Variants in WDPCP observed in about 807,000 individuals in gnomAD.
The protein encoded by WDPCP is WD repeat containing planar cell polarity effector, also known as WD repeat-containing and planar cell polarity effector protein fritz homolog.
A neutral mutation model predicts 93.1 loss-of-function variants in WDPCP; 71 were observed. The ratio of observed to expected loss-of-function variants is 0.76; its 90% CI spans 0.63 to 0.93. The LOEUF (loss-of-function observed/expected upper bound fraction) is 0.93, where lower values mean the gene tolerates loss of function less well. WDPCP is among the 40% of genes least tolerant of loss of function. The pLI, the probability that WDPCP is intolerant of heterozygous loss-of-function variation, is 0.00. For missense variants in WDPCP, 844 were observed against 887.4 expected (o/e 0.95, Z 0.62); for synonymous variants, 315 against 315.0 (o/e 1.00, Z 0.00).
At chr2:63,332,020 T>C (rs1433629993) in intron 12 of WDPCP, among the ~76,000 whole-genome samples, 17 of 152,034 alleles carry the variant, frequency 1.1e-4, no homozygotes, top group Non-Finnish European at 7.4e-5. Flanking sequence ...ATAATGGTGC[T>C]TTAAGTATTC....
intron 1 of WDPCP, among the ~76,000 whole-genome samples, chr2:63,504,947 A>G (rs1701776106): frequency 1.3e-5 from 2 of 152,224 alleles, no homozygotes; most frequent in Middle Eastern, 3.4e-3. Flanking sequence ...AATATGAATT[A>G]TTAATATTTA....
At chr2:63,695,027 C>T (rs955053724) in intron 2 of WDPCP, among the ~76,000 whole-genome samples, 1 of 152,030 alleles carries the variant, frequency 6.6e-6, no homozygotes, top group Non-Finnish European at 1.5e-5. Flanking sequence ...TTTTCAGAAA[C>T]ATTGACCAAC....
At chr2:63,400,665 A>T (rs1575333559) in intron 10 of WDPCP, among the ~76,000 whole-genome samples, 2 of 152,206 alleles carry the variant, frequency 1.3e-5, no homozygotes, top group East Asian at 3.8e-4. Context: ...TGGAACCAAA[A>T]AGGAGCCCAT....
At chr2:63,349,182 CAA>C (rs1428405793) in intron 12 of WDPCP, among the ~76,000 whole-genome samples, 1 of 151,870 alleles carries the variant, frequency 6.6e-6, no homozygotes, top group Non-Finnish European at 1.5e-5. Flanking sequence ...ATGATTTAGT[CAA>C]AGTTCCTGGT....
chr2:63,323,264 C>G (rs573308769), intron 12 of WDPCP, among the ~76,000 whole-genome samples: 3 of 152,314 alleles, frequency 2.0e-5, no homozygotes, highest in African/African-American at 7.2e-5. Context: ...CCAGGCTAGT[C>G]CTGCTTCTAA....
chr2:63,259,228 A>C (rs546342186), intron 14 of WDPCP, 79 bp downstream of exon 14: 1 of 1,221,444 alleles, frequency 8.2e-7, no homozygotes, highest in African/African-American at 1.5e-5. Context: ...TTAACCATCC[A>C]TGTCCTCCAA....
intron 2 of WDPCP, among the ~76,000 whole-genome samples, chr2:63,702,663 C>T (rs115187715): frequency 0.18 from 27,473 of 151,042 alleles, 2,738 homozygotes; most frequent in Middle Eastern, 0.27. Flanking sequence ...CTCAGCCTTC[C>T]GAGTAGCTGG....
chr2:63,652,410 C>T (rs1440840330), intron 2 of WDPCP, among the ~76,000 whole-genome samples: 1 of 152,222 alleles, frequency 6.6e-6, no homozygotes, highest in Non-Finnish European at 1.5e-5. Context: ...TGAAGCAGAT[C>T]TCAACGCAAG....
At chr2:63,754,785 TATTA>T (rs1406107305) in intron 2 of WDPCP, among the ~76,000 whole-genome samples, 1 of 152,206 alleles carries the variant, frequency 6.6e-6, no homozygotes, top group African/African-American at 2.4e-5. Context: ...TGACTGGGTG[TATTA>T]ATTATCTGCT....
intron 1 of WDPCP, among the ~76,000 whole-genome samples, chr2:63,587,731 AGACT>A (rs973461059): frequency 2.0e-5 from 3 of 152,252 alleles, no homozygotes; most frequent in Admixed American, 1.3e-4. Context: ...TTACCAGCTG[AGACT>A]GACTGACTAA....
intron 1 of WDPCP, among the ~76,000 whole-genome samples, chr2:63,507,225 A>G (rs1242353282): frequency 6.6e-6 from 1 of 152,114 alleles, no homozygotes; most frequent in Admixed American, 6.6e-5. Context: ...AATACTGGAG[A>G]TAAATAAAAT....
chr2:63,308,668 TCA>T (rs1685940781), intron 13 of WDPCP, among the ~76,000 whole-genome samples: 2 of 152,036 alleles, frequency 1.3e-5, no homozygotes, highest in African/African-American at 4.8e-5. Context: ...GCACATGTTC[TCA>T]CTCATAAGTG....
intron 2 of WDPCP, among the ~76,000 whole-genome samples, chr2:63,724,938 A>G (rs1178884837): frequency 6.6e-6 from 1 of 152,222 alleles, no homozygotes; most frequent in African/African-American, 2.4e-5. Context: ...GCCTGGAAGA[A>G]CTGCTTTCAT....
chr2:63,414,341 G>GA (rs895078453), intron 9 of WDPCP, among the ~76,000 whole-genome samples: 1 of 151,936 alleles, frequency 6.6e-6, no homozygotes, highest in African/African-American at 2.4e-5. Flanking sequence ...CTACCCAGAG[G>GA]AAAAAAAGTC....
At chr2:63,689,359 A>T (rs1285049934) in intron 2 of WDPCP, among the ~76,000 whole-genome samples, 1 of 152,234 alleles carries the variant, frequency 6.6e-6, no homozygotes, top group Non-Finnish European at 1.5e-5. Flanking sequence ...AAAGAAACTA[A>T]GCATCAGACT....
At chr2:63,827,889 G>A (rs918775610), upstream of WDPCP, 9 of 152,202 alleles carry the variant, frequency 5.9e-5, no homozygotes, top group Admixed American at 4.6e-4. Flanking sequence ...GCCAGAAGAT[G>A]TTGGGTGCAG....
At chr2:63,368,649 A>G (rs1691131879) in intron 12 of WDPCP, among the ~76,000 whole-genome samples, 1 of 152,028 alleles carries the variant, frequency 6.6e-6, no homozygotes, top group South Asian at 2.1e-4. Flanking sequence ...TAAAAAAAAA[A>G]AAAGGACTCA....
chr2:63,502,556 A>G (rs1701621679), intron 1 of WDPCP, among the ~76,000 whole-genome samples: 1 of 152,132 alleles, frequency 6.6e-6, no homozygotes, highest in South Asian at 2.1e-4. Flanking sequence ...TCATTTTTCC[A>G]TTCATTAATG....
Position 63,122,044 on chromosome 2 carries a change from C to A in WDPCP, c.2203G>T (p.Gly735Cys). The A allele has an allele frequency of 6.2e-7, 1 of 1,612,030 alleles. No homozygotes were observed. Among genetic ancestry groups the A allele is most frequent in the Non-Finnish European group, 8.5e-7 (1 of 1,178,486 alleles). Residue 735 changes from glycine (G) to cysteine (C), a missense_variant, in exon 18 of 18, where the codon GGT (glycine) becomes TGT (cysteine). Transcript: ENST00000272321. Reference sequence around the variant, plus strand: ...AAGTGAATCATTTTGAGAGAACCACCATCTCTGATTTCCTGCAAATAAACA... The same window carrying A: ...AAGTGAATCATTTTGAGAGAACCACAATCTCTGATTTCCTGCAAATAAACA... ...EDGREQEIRD[G>C]GSLKMIHFGL...
Sources: gnomAD v4.1 joint callset for allele counts (sites outside exome capture counted in the v4.1 genomes callset) on GRCh38, gnomAD v4.1.1 for gene constraint, MANE v1.5 for transcripts, NCBI Gene and HGNC (gene_info 2026-07-23, HGNC 2026-07-21) for gene names.